DACH2: variants seen among roughly 807,000 people sequenced by gnomAD.
DACH2 encodes dachshund family transcription factor 2.
In DACH2, 17 loss-of-function variants were observed where a neutral mutation model predicts 35.8. The ratio of observed to expected loss-of-function variants is 0.48; its 90% confidence interval spans 0.33 to 0.71. The LOEUF (loss-of-function observed/expected upper bound fraction) is 0.71. Among genes scored for constraint, DACH2 ranks in the 30% least tolerant of loss-of-function variants. The pLI, the probability that DACH2 is intolerant of heterozygous loss-of-function variation, is 0.02. For synonymous variants in DACH2, 195 were observed against 177.3 expected (o/e 1.10, Z -0.79); for missense variants, 469 against 472.7 (o/e 0.99, Z 0.07).
intron 1 of DACH2, among the ~76,000 whole-genome samples, chrX:86,329,560 A>C (rs1345165996): frequency 1.9e-5 from 2 of 102,672 alleles, no homozygotes; most frequent in African/African-American, 7.7e-5. Flanking sequence ...CAATCAAATA[A>C]ATTTTTTTTT....
intron 7 of DACH2, among the ~76,000 whole-genome samples, chrX:86,789,966 G>T (rs768801816): frequency 9.0e-6 from 1 of 111,364 alleles, no homozygotes. Flanking sequence ...TGATTTTCTC[G>T]GTTGTAATTC....
At chrX:86,601,498 A>G (rs148019458) in intron 3 of DACH2, among the ~76,000 whole-genome samples, 88 of 111,786 alleles carry the variant, frequency 7.9e-4, no homozygotes, top group Middle Eastern at 9.2e-3. Context: ...ATGATGGCCA[A>G]TGTAGTGGCT....
chrX:86,803,858 G>T (rs889247664), intron 7 of DACH2, among the ~76,000 whole-genome samples: 1 of 111,264 alleles, frequency 9.0e-6, no homozygotes, highest in Admixed American at 9.6e-5. Flanking sequence ...TAGGGGTGCA[G>T]GTTGCAGTGT....
intron 7 of DACH2, among the ~76,000 whole-genome samples, chrX:86,794,456 C>T (rs1422338594): frequency 2.7e-5 from 3 of 110,113 alleles, no homozygotes; most frequent in Admixed American, 9.8e-5. Context: ...TTTTTGGCCT[C>T]GGTGCTGATA....
At position 86,563,817 on chromosome X, in the gene DACH2, CAT is replaced by C. The variant is rs747622555; in HGVS notation, c.640+49428_640+49429del. On this transcript the variant is annotated intron_variant, in intron 3 of 11. Transcript: ENST00000373125. ...CCACCTCTGTAAAACACCATACAAA[CAT>C]AATGTGCGATTATTGGTTGTATTAC... Among the ~76,000 whole-genome samples the C allele has an allele frequency of 2.5e-4, 28 of 111,073 alleles. No homozygotes were observed. In the East Asian group the frequency reaches 2.8e-3, roughly 11 times the overall value.
intron 7 of DACH2, among the ~76,000 whole-genome samples, chrX:86,776,806 T>G (rs1032019805): frequency 9.0e-6 from 1 of 111,278 alleles, no homozygotes; most frequent in Non-Finnish European, 1.9e-5. Context: ...TCTCATTGTT[T>G]AATTCCCACC....
chrX:86,679,616 C>CTGTGTGTGTGTGTGTG (rs67988965), intron 4 of DACH2, among the ~76,000 whole-genome samples: 3 of 96,284 alleles, frequency 3.1e-5, no homozygotes, highest in African/African-American at 1.1e-4. Context: ...CTCTCTGTCT[C>CTGTGTGTGTGTGTGTG]TGTGTGTGTG....
chrX:86,450,838 A>T (rs1297222749), intron 2 of DACH2, among the ~76,000 whole-genome samples: 2 of 111,114 alleles, frequency 1.8e-5, no homozygotes, highest in Non-Finnish European at 3.8e-5. Context: ...TGAGCTTTTA[A>T]AAATATGTTT....
intron 7 of DACH2, among the ~76,000 whole-genome samples, chrX:86,791,804 T>G (rs1045563791): frequency 8.9e-5 from 10 of 111,895 alleles, no homozygotes; most frequent in African/African-American, 3.2e-4. Flanking sequence ...TAAGTCTAAC[T>G]AGAGATTTAA....
At chrX:86,651,223 G>GGA (rs1291577343) in intron 4 of DACH2, 56 bp downstream of exon 4, 1 of 1,135,527 alleles carries the variant, frequency 8.8e-7, no homozygotes, top group Non-Finnish European at 1.2e-6. Flanking sequence ...TTGTGGGGCA[G>GGA]GAGAGAGGTG....
chrX:86,495,823 A>G (rs908510172), intron 2 of DACH2, among the ~76,000 whole-genome samples: 1 of 110,594 alleles, frequency 9.0e-6, no homozygotes, highest in African/African-American at 3.3e-5. Context: ...AAGAAAGAAA[A>G]TAAATTCAAG....
intron 1 of DACH2, among the ~76,000 whole-genome samples, chrX:86,232,615 A>G (rs755310795): frequency 7.3e-4 from 82 of 112,455 alleles, no homozygotes; most frequent in Non-Finnish European, 1.3e-3. Flanking sequence ...AATAATTATT[A>G]GAGAAATGCA....
chrX:86,285,023 G>A (rs905755150), intron 1 of DACH2, among the ~76,000 whole-genome samples: 4 of 110,628 alleles, frequency 3.6e-5, no homozygotes, highest in African/African-American at 1.3e-4. Context: ...GTATTTATTT[G>A]GATCTTCTCT....
At chrX:86,357,934 G>A (rs949458107) in intron 1 of DACH2, among the ~76,000 whole-genome samples, 4 of 112,180 alleles carry the variant, frequency 3.6e-5, no homozygotes, top group African/African-American at 1.3e-4. Flanking sequence ...AGAGAAAGCA[G>A]CACTTGAGCT....
intron 1 of DACH2, among the ~76,000 whole-genome samples, chrX:86,209,487 CTT>C (rs1293016418): frequency 1.8e-5 from 2 of 111,657 alleles, no homozygotes; most frequent in Admixed American, 9.5e-5. Flanking sequence ...AGAAATGACA[CTT>C]TTTATTTTTC....
At chrX:86,340,131 C>T (rs1181778622) in intron 1 of DACH2, among the ~76,000 whole-genome samples, 1 of 111,674 alleles carries the variant, frequency 9.0e-6, no homozygotes, top group African/African-American at 3.2e-5. Context: ...TCCTAGGATA[C>T]CTTGTACAGG....
chrX:86,436,090 A>G (rs1177750709), intron 2 of DACH2, among the ~76,000 whole-genome samples: 1 of 109,749 alleles, frequency 9.1e-6, no homozygotes, highest in African/African-American at 3.3e-5. Flanking sequence ...TCATTAATTA[A>G]CACGTTATTA....
intron 3 of DACH2, among the ~76,000 whole-genome samples, chrX:86,515,339 C>T (rs1004149402): frequency 1.8e-5 from 2 of 110,378 alleles, no homozygotes; most frequent in African/African-American, 6.6e-5. Flanking sequence ...GGGTAATACT[C>T]CATAAGATGG....
chrX:86,752,232 C>T (rs138867650), intron 7 of DACH2, among the ~76,000 whole-genome samples: 113 of 111,224 alleles, frequency 1.0e-3, no homozygotes, highest in African/African-American at 2.7e-3. Flanking sequence ...AAAAAAACTA[C>T]GAATTTCTAA....
Sources: gnomAD v4.1 joint callset for allele counts (sites outside exome capture counted in the v4.1 genomes callset) on GRCh38, gnomAD v4.1.1 for gene constraint, MANE v1.5 for transcripts, NCBI Gene and HGNC (gene_info 2026-07-23, HGNC 2026-07-21) for gene names.